The following TRAK1 variants were observed in gnomAD, a reference collection of about 807,000 sequenced individuals.
TRAK1 encodes trafficking kinesin-binding protein 1.
TRAK1 carries 33 observed loss-of-function variants against 92.1 expected under a neutral mutation model. The observed-to-expected ratio is 0.36, with a 90% CI of 0.27 to 0.48. The LOEUF (loss-of-function observed/expected upper bound fraction) is 0.48, where lower values mean the gene tolerates loss of function less well. Among genes scored for constraint, TRAK1 ranks in the 20% least tolerant of loss-of-function variants. TRAK1 has a pLI of 0.99. For missense variants in TRAK1, 1,123 were observed against 1,257.9 expected, an observed-to-expected ratio of 0.89 and a Z score of 1.62; for synonymous variants, 521 against 517.3, an observed-to-expected ratio of 1.01 and a Z score of -0.10.
chr3:42,112,326 G>C (rs954631523), intron 1 of TRAK1, among the ~76,000 whole-genome samples: 1 of 150,464 alleles, frequency 6.6e-6, no homozygotes, highest in African/African-American at 2.4e-5. Context: ...TACTTGGGAG[G>C]CTGAGGCACA....
intron 4 of TRAK1, among the ~76,000 whole-genome samples, chr3:42,187,305 G>A (rs1305499531): frequency 2.0e-5 from 3 of 152,202 alleles, no homozygotes; most frequent in African/African-American, 7.2e-5. Context: ...TGCAGAGCTG[G>A]CATCTCCAGG....
chr3:42,163,122 T>A (rs1701453894), intron 2 of TRAK1, among the ~76,000 whole-genome samples: 1 of 152,252 alleles, frequency 6.6e-6, no homozygotes, highest in Non-Finnish European at 1.5e-5. Context: ...GGAGGAAATG[T>A]GAACAACTTG....
intron 1 of TRAK1, among the ~76,000 whole-genome samples, chr3:42,037,218 T>TAAA (rs1392478666): frequency 6.6e-6 from 1 of 152,242 alleles, no homozygotes; most frequent in Admixed American, 6.5e-5. Context: ...AAGCTGCTTT[T>TAAA]AGAGTTTTAG....
At chr3:42,194,299 C>T (rs1471278232) in intron 9 of TRAK1, among the ~76,000 whole-genome samples, 1 of 152,154 alleles carries the variant, frequency 6.6e-6, no homozygotes, top group Non-Finnish European at 1.5e-5. Context: ...GGCTGGAGTA[C>T]AGTGGCATGA....
chr3:42,076,090 C>T (rs927600778), intron 1 of TRAK1, among the ~76,000 whole-genome samples: 6 of 151,844 alleles, frequency 4.0e-5, no homozygotes, highest in Non-Finnish European at 5.9e-5. Context: ...GTGATCCACC[C>T]GCCTCAGCCT....
chr3:42,088,084 C>T (rs1334603201), upstream of TRAK1, among the ~76,000 whole-genome samples: 2 of 152,206 alleles, frequency 1.3e-5, no homozygotes, highest in Non-Finnish European at 2.9e-5. Flanking sequence ...AAAATTATAG[C>T]TCAATCCAGT....
At chr3:42,072,940 G>C (rs1345386233) in intron 1 of TRAK1, among the ~76,000 whole-genome samples, 1 of 152,170 alleles carries the variant, frequency 6.6e-6, no homozygotes, top group Non-Finnish European at 1.5e-5. Context: ...TCCAGGGCCA[G>C]AGAAAGGTTT....
chr3:42,137,713 T>C (rs1007241720), intron 2 of TRAK1, among the ~76,000 whole-genome samples: 5 of 152,170 alleles, frequency 3.3e-5, no homozygotes, highest in African/African-American at 1.2e-4. Context: ...GATATCTCTG[T>C]GTGGGTTGGG....
intron 2 of TRAK1, among the ~76,000 whole-genome samples, chr3:42,137,191 C>G (rs935558582): frequency 6.6e-6 from 1 of 152,096 alleles, no homozygotes; most frequent in Non-Finnish European, 1.5e-5. Context: ...TTGAAAAACA[C>G]AATTTTCAGC....
At chr3:42,113,340 C>T (rs1176254819) in intron 1 of TRAK1, among the ~76,000 whole-genome samples, 2 of 150,256 alleles carry the variant, frequency 1.3e-5, no homozygotes. Flanking sequence ...ACTCTCTACT[C>T]TACTCCTACT....
chr3:42,206,924 G>A (rs549692446), intron 13 of TRAK1, among the ~76,000 whole-genome samples: 36 of 152,290 alleles, frequency 2.4e-4, no homozygotes, highest in African/African-American at 8.2e-4. Context: ...CTGTTGAACA[G>A]TTGGAGGAGA....
intron 3 of TRAK1, among the ~76,000 whole-genome samples, chr3:42,184,316 C>G (rs1011275940): frequency 6.6e-6 from 1 of 152,238 alleles, no homozygotes; most frequent in African/African-American, 2.4e-5. Flanking sequence ...CTGTGCCGGG[C>G]CCTGGCAATA....
chr3:42,206,237 G>A (rs1430618977), intron 13 of TRAK1, among the ~76,000 whole-genome samples: 1 of 152,218 alleles, frequency 6.6e-6, no homozygotes, highest in Non-Finnish European at 1.5e-5. Context: ...AGCATGAGGT[G>A]TTCTGCCCAG....
At chr3:42,055,715 C>T (rs930717887) in intron 1 of TRAK1, among the ~76,000 whole-genome samples, 2 of 152,142 alleles carry the variant, frequency 1.3e-5, no homozygotes, top group African/African-American at 4.8e-5. Context: ...CCTCCTTCCT[C>T]GCCTGCCAAA....
At chr3:42,110,094 GTATATATATATA>G (rs375315730) in intron 1 of TRAK1, among the ~76,000 whole-genome samples, 4,063 of 83,212 alleles carry the variant, frequency 0.049, 463 homozygotes, top group Admixed American at 0.18. Flanking sequence ...AGAACTTAAA[GTATATATATATA>G]TATATATATA....
chr3:42,219,857 G>A (rs1021136409), intron 15 of TRAK1, among the ~76,000 whole-genome samples: 2 of 138,264 alleles, frequency 1.4e-5, no homozygotes, highest in African/African-American at 2.7e-5. Context: ...GTGTAGTGGC[G>A]TGATCTCGGC....
At chr3:42,058,508 T>G (rs1165437672) in intron 1 of TRAK1, among the ~76,000 whole-genome samples, 1 of 152,172 alleles carries the variant, frequency 6.6e-6, no homozygotes. Context: ...CCCAGCTTAT[T>G]TTTTAATGTA....
upstream of TRAK1, chr3:42,090,957 A>G (rs959495516): frequency 1.9e-5 from 3 of 155,512 alleles, no homozygotes; most frequent in African/African-American, 7.2e-5. Flanking sequence ...AAAGGAAGAC[A>G]TTAAATGGAA....
intron 1 of TRAK1, among the ~76,000 whole-genome samples, chr3:42,098,194 T>C (rs1706225818): frequency 6.6e-6 from 1 of 152,098 alleles, no homozygotes; most frequent in Non-Finnish European, 1.5e-5. Flanking sequence ...CCACCTCCTC[T>C]TCCTTGAAGA....
Sources: allele counts gnomAD v4.1 joint callset (sites outside exome capture counted in the v4.1 genomes callset), GRCh38; gene constraint gnomAD v4.1.1; transcripts MANE v1.5; gene names NCBI Gene and HGNC (gene_info 2026-07-23, HGNC 2026-07-21).